Variants in GRIK4 observed in about 807,000 individuals in gnomAD.
GRIK4 encodes glutamate receptor ionotropic, kainate 4.
GRIK4 carries 40 observed loss-of-function variants against 104.9 expected under a neutral mutation model. The ratio of observed to expected loss-of-function variants is 0.38; its 90% CI spans 0.30 to 0.50. GRIK4 has a LOEUF of 0.50. GRIK4 is among the 20% of genes least tolerant of loss of function. The probability of loss-of-function intolerance (pLI) is 0.93; values close to 1 mark genes in which losing one functional copy is unlikely to be tolerated. For missense variants in GRIK4, 1,047 were observed against 1,308.1 expected (o/e 0.80, Z 3.08); for synonymous variants, 485 against 524.9 (o/e 0.92, Z 1.04).
At chr11:120,668,519 A>C (rs77182804) in intron 3 of GRIK4, among the ~76,000 whole-genome samples, 3,382 of 152,304 alleles carry the variant, frequency 0.022, 115 homozygotes, top group African/African-American at 0.076. Flanking sequence ...CCTGTGTTTC[A>C]GGTGGGGAAT....
intron 1 of GRIK4, among the ~76,000 whole-genome samples, chr11:120,583,131 G>T (rs1308634557): frequency 6.6e-6 from 1 of 152,120 alleles, no homozygotes; most frequent in Non-Finnish European, 1.5e-5. Context: ...TTTCATGCTT[G>T]TTGGCCACAT....
chr11:120,916,229 G>T (rs956590336), intron 13 of GRIK4, among the ~76,000 whole-genome samples: 2 of 152,266 alleles, frequency 1.3e-5, no homozygotes, highest in East Asian at 3.9e-4. Flanking sequence ...AGAAGCTAAC[G>T]CCCAGGAGTG....
At chr11:120,550,492 A>T (rs1948129695) in intron 1 of GRIK4, among the ~76,000 whole-genome samples, 1 of 152,080 alleles carries the variant, frequency 6.6e-6, no homozygotes, top group South Asian at 2.1e-4. Context: ...TCTGGGAGTC[A>T]TCGGTGTTTA....
intron 13 of GRIK4, among the ~76,000 whole-genome samples, chr11:120,923,757 C>A (rs1943278900): frequency 6.6e-6 from 1 of 152,128 alleles, no homozygotes; most frequent in Non-Finnish European, 1.5e-5. Flanking sequence ...GAAGCGGAAA[C>A]TGGTACCATT....
rs559267047 is a variant in GRIK4 at position 120,740,533 on chromosome 11, A to T, written c.83-62160A>T. Reference sequence around the variant, plus strand: ...TCATGCCTCATCATGCACTCCACCCATATAGGGCCCCAGCTGGCAGAGGGG... The same window carrying T: ...TCATGCCTCATCATGCACTCCACCCTTATAGGGCCCCAGCTGGCAGAGGGG... On this transcript the variant is annotated intron_variant, in intron 3 of 20. Transcript: ENST00000527524. 1.2e-4 allele frequency among the ~76,000 whole-genome samples: 18 copies of T among 152,238 alleles called. 1 individual carries two copies. The South Asian group carries it at 3.7e-3, about 32-fold the overall frequency.
intron 1 of GRIK4, among the ~76,000 whole-genome samples, chr11:120,553,805 T>C (rs1348160592): frequency 6.6e-6 from 1 of 152,174 alleles, no homozygotes; most frequent in Non-Finnish European, 1.5e-5. Flanking sequence ...CCTGCCTGTA[T>C]GTCACTTGTG....
At chr11:120,543,652 A>G (rs1948058904) in intron 1 of GRIK4, among the ~76,000 whole-genome samples, 1 of 152,216 alleles carries the variant, frequency 6.6e-6, no homozygotes, top group Non-Finnish European at 1.5e-5. Flanking sequence ...ACTTCTGGGT[A>G]TTTATCCAAA....
intron 3 of GRIK4, among the ~76,000 whole-genome samples, chr11:120,666,716 A>T (rs1321332624): frequency 6.6e-6 from 1 of 152,206 alleles, no homozygotes; most frequent in Non-Finnish European, 1.5e-5. Context: ...CCAGGTTTTC[A>T]ACGAATATTA....
intron 1 of GRIK4, among the ~76,000 whole-genome samples, chr11:120,527,717 G>A (rs2136078712): frequency 6.6e-6 from 1 of 152,352 alleles, no homozygotes; most frequent in Non-Finnish European, 1.5e-5. Context: ...AGAGAGAGGT[G>A]GCATTGTGCT....
chr11:120,767,520 T>G (rs1951861236), intron 3 of GRIK4, among the ~76,000 whole-genome samples: 1 of 152,208 alleles, frequency 6.6e-6, no homozygotes, highest in Admixed American at 6.5e-5. Context: ...ATTTTGTTGT[T>G]TATTTTGCTG....
chr11:120,734,936 C>G (rs1951195497), intron 3 of GRIK4, among the ~76,000 whole-genome samples: 1 of 152,076 alleles, frequency 6.6e-6, no homozygotes, highest in Non-Finnish European at 1.5e-5. Context: ...TATTTCAATC[C>G]CTTTGTTAAA....
chr11:120,651,552 C>T (rs1000621828), intron 1 of GRIK4, among the ~76,000 whole-genome samples: 4 of 152,182 alleles, frequency 2.6e-5, no homozygotes, highest in Non-Finnish European at 2.9e-5. Flanking sequence ...TGGTTCCTAC[C>T]ATGTACCCAC....
At chr11:120,784,779 A>T (rs1025707410) in intron 3 of GRIK4, among the ~76,000 whole-genome samples, 12 of 151,758 alleles carry the variant, frequency 7.9e-5, no homozygotes, top group African/African-American at 2.9e-4. Context: ...CTAGCTTGTG[A>T]TCTCTACCCT....
At chr11:120,946,771 C>A (rs1249935363) in intron 14 of GRIK4, among the ~76,000 whole-genome samples, 1 of 152,164 alleles carries the variant, frequency 6.6e-6, no homozygotes, top group Non-Finnish European at 1.5e-5. Context: ...GGCATTGAAA[C>A]CAGGTTTTTG....
At chr11:120,973,216 CG>C (rs1944504979) in intron 19 of GRIK4, among the ~76,000 whole-genome samples, 1 of 152,076 alleles carries the variant, frequency 6.6e-6, no homozygotes, top group African/African-American at 2.4e-5. Flanking sequence ...GAAACAGTTC[CG>C]CATCCACAGA....
chr11:120,584,083 A>G (rs1476838234), intron 1 of GRIK4, among the ~76,000 whole-genome samples: 1 of 152,202 alleles, frequency 6.6e-6, no homozygotes, highest in East Asian at 1.9e-4. Context: ...ACTTTGCTGA[A>G]GTTGTTTAAC....
At chr11:120,720,441 G>C (rs1950911165) in intron 3 of GRIK4, among the ~76,000 whole-genome samples, 1 of 152,214 alleles carries the variant, frequency 6.6e-6, no homozygotes, top group South Asian at 2.1e-4. Context: ...CAGCACCTTT[G>C]GGGTGGGGAT....
intron 9 of GRIK4, chr11:120,871,664 G>A (rs1301147830): frequency 2.2e-6 from 1 of 456,394 alleles, no homozygotes. Flanking sequence ...GAGGCCGAGG[G>A]CAGTGGCCTG....
At chr11:120,655,169 T>C (rs750153534) in intron 2 of GRIK4, among the ~76,000 whole-genome samples, 13 of 151,954 alleles carry the variant, frequency 8.6e-5, no homozygotes, top group Non-Finnish European at 1.5e-4. Context: ...GTAGGATGTG[T>C]GTCCCAGTGA....
Sources: gnomAD v4.1 joint callset for allele counts (sites outside exome capture counted in the v4.1 genomes callset) on GRCh38, gnomAD v4.1.1 for gene constraint, MANE v1.5 for transcripts, NCBI Gene and HGNC (gene_info 2026-07-23, HGNC 2026-07-21) for gene names.